CPED1: variants seen among roughly 807,000 people sequenced by gnomAD.
CPED1 encodes the protein cadherin like and PC-esterase domain containing 1.
A neutral mutation model predicts 128.2 loss-of-function variants in CPED1; 114 were observed. The observed-to-expected ratio is 0.89, with a 90% CI of 0.76 to 1.04. The LOEUF is 1.04. Ranked by LOEUF, CPED1 falls within the 50% of genes least tolerant of loss-of-function variation. The pLI, the probability that CPED1 is intolerant of heterozygous loss-of-function variation, is 0.00. For synonymous variants in CPED1, 462 were observed against 426.7 expected (o/e 1.08, Z -1.02); for missense variants, 1,211 against 1,207.1 (o/e 1.00, Z -0.05).
intron 4 of CPED1, among the ~76,000 whole-genome samples, chr7:121,048,976 T>C (rs1793282438): frequency 7.7e-6 from 1 of 129,740 alleles, no homozygotes; most frequent in Non-Finnish European, 1.7e-5. Context: ...ATTTTACCCC[T>C]GAAATCTATC....
At chr7:121,180,713 C>G (rs1022931590) in intron 16 of CPED1, among the ~76,000 whole-genome samples, 1 of 151,908 alleles carries the variant, frequency 6.6e-6, no homozygotes, top group Non-Finnish European at 1.5e-5. Flanking sequence ...TTAAATGCAC[C>G]CTTTATGACA....
Position 121,125,995 on chromosome 7 carries a change from T to C in CPED1, c.1134+103T>C, listed in dbSNP as rs1325419307. ...TCATTCATAGTAACCAATCAATAAATAGCAATTTGCAAAAGTACTGTAGGC... is the reference window on the plus strand; with the variant it reads ...TCATTCATAGTAACCAATCAATAAACAGCAATTTGCAAAAGTACTGTAGGC... On this transcript the variant is annotated intron_variant, in intron 9 of 22. Transcript: ENST00000310396. The C allele has an allele frequency of 3.6e-5, 30 of 835,826 alleles. No individual in the cohort carries two copies. The East Asian group carries it at 7.4e-4, about 21-fold the overall frequency. The allele number at this position is 835,826 out of a possible 1,614,324, so 51.8% of individuals were successfully genotyped here. A position where few individuals can be genotyped will look rare whatever the true frequency, so the allele number is the denominator to read the frequency against.
intron 3 of CPED1, among the ~76,000 whole-genome samples, chr7:121,016,153 C>G (rs1792296680): frequency 6.6e-6 from 1 of 152,034 alleles, no homozygotes; most frequent in Admixed American, 6.6e-5. Context: ...ATGTTCTGCC[C>G]CGCACCCAAA....
intron 3 of CPED1, among the ~76,000 whole-genome samples, chr7:121,026,767 A>G (rs1387162879): frequency 6.6e-6 from 1 of 150,468 alleles, no homozygotes; most frequent in Non-Finnish European, 1.5e-5. Flanking sequence ...CACATTTCAA[A>G]GCTTTCTGCC....
At chr7:121,161,622 C>A (rs1048701705) in intron 16 of CPED1, among the ~76,000 whole-genome samples, 6 of 152,166 alleles carry the variant, frequency 3.9e-5, no homozygotes, top group African/African-American at 1.4e-4. Context: ...CATCAAGGGC[C>A]AGGAAGAATA....
At chr7:121,121,972 T>C (rs1288810362) in intron 7 of CPED1, among the ~76,000 whole-genome samples, 1 of 152,130 alleles carries the variant, frequency 6.6e-6, no homozygotes. Flanking sequence ...AGTGAGTTAG[T>C]TACAAGAACT....
At position 121,118,196 on chromosome 7, in the gene CPED1, TAATACTGATG is replaced by T. The variant is rs568096550; in HGVS notation, c.919-6134_919-6125del. Among the ~76,000 whole-genome samples the T allele has an allele frequency of 1.8e-4, 28 of 152,282 alleles. No homozygotes were observed. In the South Asian group the frequency reaches 3.3e-3, roughly 18 times the overall value. ...TTCTTCGTTCTTATATTTAAAATATTAATACTGATGCTGAACTCTTCTTGTTCTAGCATTA... is the reference window on the plus strand; with the variant it reads ...TTCTTCGTTCTTATATTTAAAATATTCTGAACTCTTCTTGTTCTAGCATTA... On this transcript the variant is annotated intron_variant, in intron 7 of 22. Coordinates refer to ENST00000310396, the MANE Select transcript of CPED1 (RefSeq NM_024913.5).
At chr7:121,193,042 G>C (rs1797181995) in intron 16 of CPED1, among the ~76,000 whole-genome samples, 1 of 152,074 alleles carries the variant, frequency 6.6e-6, no homozygotes, top group Non-Finnish European at 1.5e-5. Flanking sequence ...AGAGCATATA[G>C]AACTCTTAAG....
intron 7 of CPED1, among the ~76,000 whole-genome samples, chr7:121,109,979 A>T (rs1263600390): frequency 6.6e-6 from 1 of 152,128 alleles, no homozygotes; most frequent in East Asian, 1.9e-4. Flanking sequence ...TTTAAAGGAG[A>T]GAGAAATAAA....
chr7:121,259,371 C>T (rs941725028), intron 18 of CPED1, among the ~76,000 whole-genome samples: 18 of 151,924 alleles, frequency 1.2e-4, no homozygotes, highest in African/African-American at 4.1e-4. Flanking sequence ...AAGTTTTCCC[C>T]CTCTGAACAT....
At chr7:121,116,377 T>C (rs1795234131) in intron 7 of CPED1, among the ~76,000 whole-genome samples, 1 of 152,238 alleles carries the variant, frequency 6.6e-6, no homozygotes, top group Non-Finnish European at 1.5e-5. Flanking sequence ...CAATTTTCAG[T>C]GAACTAAAAC....
intron 22 of CPED1, among the ~76,000 whole-genome samples, chr7:121,275,996 C>A (rs1231738594): frequency 6.7e-6 from 1 of 149,464 alleles, no homozygotes; most frequent in Non-Finnish European, 1.5e-5. Flanking sequence ...ATATGGTTAA[C>A]ATAGTTAGCT....
intron 16 of CPED1, among the ~76,000 whole-genome samples, chr7:121,171,506 C>T (rs921004736): frequency 6.6e-5 from 10 of 152,272 alleles, no homozygotes; most frequent in Admixed American, 3.9e-4. Context: ...TAGAAGAATG[C>T]ATTTTAAAAA....
chr7:121,254,833 A>C (rs1798766380), intron 18 of CPED1, among the ~76,000 whole-genome samples: 1 of 151,962 alleles, frequency 6.6e-6, no homozygotes, highest in Non-Finnish European at 1.5e-5. Flanking sequence ...AAAAACACAC[A>C]AACTCCCAAA....
intron 5 of CPED1, among the ~76,000 whole-genome samples, chr7:121,077,205 CTATT>C (rs1293631205): frequency 2.6e-5 from 4 of 152,052 alleles, no homozygotes; most frequent in African/African-American, 9.7e-5. Flanking sequence ...GTGATTCTCT[CTATT>C]TATCAAAAAT....
At chr7:121,047,682 C>T (rs4730989) in intron 4 of CPED1, among the ~76,000 whole-genome samples, 970 of 29,222 alleles carry the variant, frequency 0.033, 37 homozygotes, top group East Asian at 0.065. Context: ...TCTTCTTCTT[C>T]TTCTTCTTCT....
At chr7:121,217,053 G>GTTTTTA (rs556892350) in intron 16 of CPED1, among the ~76,000 whole-genome samples, 47 of 151,764 alleles carry the variant, frequency 3.1e-4, no homozygotes, top group East Asian at 5.8e-4. Context: ...AGTTTTGGTG[G>GTTTTTA]TTTTTATTTT....
In CPED1 at chr7:121,124,376, C is replaced by T. The variant is rs770109987; in HGVS notation, c.964C>T (p.Gln322Ter). The T allele has an allele frequency of 6.2e-7, 1 of 1,610,110 alleles. No homozygotes were observed. The highest frequency in any genetic ancestry group is 1.1e-5 in the South Asian group (1 of 90,604). Reference protein sequence around the residue: ...ETFLRASSPQQAFDIMKEAIG... With the variant: ...ETFLRASSPQ The stretch of plus-strand genomic sequence containing the variant: ...ATTCCTGAGAGCCAGTTCACCTCAA[C>T]AGGCTTTTGACATTATGAAGGAAGC... The change falls in exon 8 of 23, where the codon CAG becomes TAG. Residue 322 changes from glutamine to a stop codon, truncating the protein, a stop_gained. Coordinates refer to ENST00000310396, the MANE Select transcript of CPED1 (RefSeq NM_024913.5). LOFTEE classifies it high-confidence loss of function.
At chr7:121,139,369 A>G (rs900780310) in intron 14 of CPED1, among the ~76,000 whole-genome samples, 4 of 151,942 alleles carry the variant, frequency 2.6e-5, no homozygotes, top group Admixed American at 2.6e-4. Flanking sequence ...AGAAAACTAT[A>G]GAGTATAGGT....
Sources: allele counts gnomAD v4.1 joint callset (sites outside exome capture counted in the v4.1 genomes callset), GRCh38; gene constraint gnomAD v4.1.1; transcripts MANE v1.5; gene names NCBI Gene and HGNC (gene_info 2026-07-23, HGNC 2026-07-21).